The following MACROD2 variants were observed in gnomAD, a reference collection of about 807,000 sequenced individuals.
MACROD2 encodes the protein ADP-ribose glycohydrolase MACROD2.
MACROD2 carries 36 observed loss-of-function variants against 70.4 expected under a neutral mutation model. The observed-to-expected ratio is 0.51, with a 90% CI of 0.39 to 0.68. The LOEUF (loss-of-function observed/expected upper bound fraction) is 0.68. Ranked by LOEUF, MACROD2 falls within the 30% of genes least tolerant of loss-of-function variation. MACROD2 has a pLI of 0.00. For missense variants in MACROD2, 496 were observed against 538.4 expected (o/e 0.92, Z 0.78); for synonymous variants, 172 against 178.8 (o/e 0.96, Z 0.30).
chr20:15,024,566 A>G (rs1221200065), intron 5 of MACROD2, among the ~76,000 whole-genome samples: 11 of 151,832 alleles, frequency 7.2e-5, no homozygotes, highest in Admixed American at 3.3e-4. Flanking sequence ...TTGTTAAAAC[A>G]TATGGGAATT....
At chr20:15,104,949 A>G (rs533297625) in intron 5 of MACROD2, among the ~76,000 whole-genome samples, 3 of 152,196 alleles carry the variant, frequency 2.0e-5, no homozygotes, top group Non-Finnish European at 2.9e-5. Flanking sequence ...AGGTGACTAT[A>G]CTATTCTTTT....
chr20:14,307,070 G>T (rs2082527424), intron 3 of MACROD2, among the ~76,000 whole-genome samples: 1 of 151,028 alleles, frequency 6.6e-6, no homozygotes, highest in Non-Finnish European at 1.5e-5. Context: ...GAAGAAAAAT[G>T]AATTTTATTA....
At chr20:14,022,298 A>G (rs897739281) in intron 2 of MACROD2, among the ~76,000 whole-genome samples, 1 of 152,216 alleles carries the variant, frequency 6.6e-6, no homozygotes, top group Admixed American at 6.5e-5. Context: ...CAATAAATGC[A>G]AATATAAAAC....
intron 8 of MACROD2, among the ~76,000 whole-genome samples, chr20:15,725,894 G>A (rs911759580): frequency 6.6e-6 from 1 of 151,760 alleles, no homozygotes; most frequent in African/African-American, 2.4e-5. Flanking sequence ...CTGCGGGTTT[G>A]TTATATAGGT....
Position 14,401,863 on chromosome 20 carries a change from G to T in MACROD2, c.272-91616G>T, listed in dbSNP as rs137889846. On this transcript the variant is annotated intron_variant, in intron 3 of 17. Coordinates refer to ENST00000684519, the MANE Select transcript of MACROD2 (RefSeq NM_001351661.2). ...TCCCCTTCTGCTAGACTATCATACTGATCTTGTATGGGAGAGGGTGTGTCA... is the reference window on the plus strand; with the variant it reads ...TCCCCTTCTGCTAGACTATCATACTTATCTTGTATGGGAGAGGGTGTGTCA... Among the ~76,000 whole-genome samples the T allele has an allele frequency of 1.1e-3, 161 of 152,084 alleles. 1 individual carries two copies. The highest frequency in any genetic ancestry group is 3.6e-3 in the African/African-American group (148 of 41,496).
chr20:14,883,390 G>A (rs890988251), intron 5 of MACROD2, among the ~76,000 whole-genome samples: 1 of 152,060 alleles, frequency 6.6e-6, no homozygotes. Flanking sequence ...AATAATACTT[G>A]GGTTTATAGA....
In MACROD2 at chr20:15,967,692, A is replaced by G; in HGVS notation, c.985+62A>G. ...TCTGCTGGGAAACAGAAAAAAAAAA[A>G]AAAAAAAAACCCACAGACTTGAATT... is the stretch of plus-strand genomic sequence containing the variant. On this transcript the variant is annotated intron_variant, in intron 13 of 17. Transcript: ENST00000684519. 1.4e-6 allele frequency: 2 copies of G among 1,415,002 alleles called. 1 individual carries two copies. Among genetic ancestry groups the G allele is most frequent in the Non-Finnish European group, 1.9e-6 (2 of 1,040,834 alleles). The allele number at this position is 1,415,002 out of a possible 1,614,324, so 87.7% of individuals were successfully genotyped here.
At chr20:15,158,871 G>A (rs1049067682) in intron 5 of MACROD2, among the ~76,000 whole-genome samples, 17 of 152,126 alleles carry the variant, frequency 1.1e-4, no homozygotes. Context: ...AGGATGACAA[G>A]GAGTTATGTA....
chr20:14,337,321 A>G (rs905713116), intron 3 of MACROD2: 12 of 319,730 alleles, frequency 3.8e-5, no homozygotes, highest in African/African-American at 2.4e-4. Flanking sequence ...GATTTCTCAT[A>G]GTATCAAGTC....
At chr20:15,516,053 T>C in intron 8 of MACROD2, among the ~76,000 whole-genome samples, 1 of 152,228 alleles carries the variant, frequency 6.6e-6, no homozygotes, top group East Asian at 1.9e-4. Context: ...TTGCCTGCTT[T>C]GCTTTCTCTT....
chr20:15,695,617 G>C (rs1367474427), intron 8 of MACROD2, among the ~76,000 whole-genome samples: 1 of 152,012 alleles, frequency 6.6e-6, no homozygotes, highest in Non-Finnish European at 1.5e-5. Context: ...CACCATGTTG[G>C]TCAGGCTGGT....
At chr20:15,905,649 G>C (rs175781) in intron 10 of MACROD2, among the ~76,000 whole-genome samples, 1 of 152,122 alleles carries the variant, frequency 6.6e-6, no homozygotes, top group Admixed American at 6.5e-5. Context: ...TTATTTTGTC[G>C]TTAAGGAGAG....
chr20:14,578,789 T>G (rs1207053800), intron 4 of MACROD2, among the ~76,000 whole-genome samples: 3 of 152,190 alleles, frequency 2.0e-5, no homozygotes, highest in Non-Finnish European at 4.4e-5. Flanking sequence ...CACCGAAACC[T>G]AAGGCAGATA....
intron 5 of MACROD2, among the ~76,000 whole-genome samples, chr20:14,780,611 A>G (rs2072289302): frequency 6.6e-6 from 1 of 151,668 alleles, no homozygotes; most frequent in South Asian, 2.1e-4. Flanking sequence ...TTTGAAATGG[A>G]GTGACCTTTC....
intron 5 of MACROD2, among the ~76,000 whole-genome samples, chr20:14,731,129 A>G (rs1178904857): frequency 1.3e-5 from 2 of 152,112 alleles, no homozygotes; most frequent in African/African-American, 4.8e-5. Context: ...CAACAAGAAA[A>G]ATGTAAAAAT....
At chr20:15,785,137 G>GCGAGA (rs1366085491) in intron 8 of MACROD2, among the ~76,000 whole-genome samples, 7 of 140,452 alleles carry the variant, frequency 5.0e-5, no homozygotes, top group African/African-American at 1.9e-4. Context: ...GGGTGACAGA[G>GCGAGA]CGAGACTCCG....
intron 5 of MACROD2, among the ~76,000 whole-genome samples, chr20:15,210,985 A>G (rs1233305236): frequency 1.3e-5 from 2 of 152,336 alleles, no homozygotes; most frequent in East Asian, 3.9e-4. Flanking sequence ...TCAAACGTAC[A>G]ATTCAGTGGT....
intron 13 of MACROD2, 50 bp from the exon 14 acceptor site, chr20:15,986,677 C>T (rs372199874): frequency 4.5e-4 from 636 of 1,413,356 alleles, no homozygotes; most frequent in Non-Finnish European, 5.9e-4. Flanking sequence ...AATAAAGCTA[C>T]GGTCATGCAT....
intron 12 of MACROD2, among the ~76,000 whole-genome samples, chr20:15,961,943 G>A (rs1487064557): frequency 3.9e-5 from 6 of 152,198 alleles, no homozygotes; most frequent in Non-Finnish European, 1.5e-5. Context: ...CCAAGTCACA[G>A]ACAACTGAAA....
Sources: allele counts gnomAD v4.1 joint callset (sites outside exome capture counted in the v4.1 genomes callset), GRCh38; gene constraint gnomAD v4.1.1; transcripts MANE v1.5; gene names NCBI Gene and HGNC (gene_info 2026-07-23, HGNC 2026-07-21).